The following GRM7 variants were observed in gnomAD, a reference collection of about 807,000 sequenced individuals.
GRM7 encodes metabotropic glutamate receptor 7.
A neutral mutation model predicts 84.5 loss-of-function variants in GRM7; 35 were observed. That is an observed-to-expected ratio of 0.41 (90% CI 0.32 to 0.55). The LOEUF (loss-of-function observed/expected upper bound fraction) is 0.55. GRM7 is among the 20% of genes least tolerant of loss of function. GRM7 has a pLI of 0.19. For synonymous variants in GRM7, 487 were observed against 455.1 expected, an observed-to-expected ratio of 1.07 and a Z score of -0.89; for missense variants, 1,003 against 1,194.6, an observed-to-expected ratio of 0.84 and a Z score of 2.36.
chr3:7,471,849 A>C (rs1204476022), intron 7 of GRM7, among the ~76,000 whole-genome samples: 1 of 152,204 alleles, frequency 6.6e-6, no homozygotes, highest in Non-Finnish European at 1.5e-5. Context: ...GAAGTCTGTA[A>C]CATCCATATT....
chr3:7,516,387 G>T (rs1700384779), intron 7 of GRM7, among the ~76,000 whole-genome samples: 1 of 141,768 alleles, frequency 7.1e-6, no homozygotes, highest in Non-Finnish European at 1.5e-5. Context: ...TGAGGCAGGA[G>T]AATGGCGTGA....
chr3:7,253,921 C>T (rs1698103903), intron 2 of GRM7, among the ~76,000 whole-genome samples: 1 of 152,186 alleles, frequency 6.6e-6, no homozygotes, highest in African/African-American at 2.4e-5. Flanking sequence ...AGAGTTAGTG[C>T]TGCCGAGTGT....
At chr3:7,303,014 C>T (rs1361072669) in intron 3 of GRM7, among the ~76,000 whole-genome samples, 3 of 147,278 alleles carry the variant, frequency 2.0e-5, no homozygotes, top group Non-Finnish European at 3.0e-5. Context: ...GATCTCAGCT[C>T]ACTGAAAGCT....
chr3:7,523,235 C>T (rs1332503170), intron 7 of GRM7, among the ~76,000 whole-genome samples: 1 of 152,136 alleles, frequency 6.6e-6, no homozygotes, highest in East Asian at 1.9e-4. Flanking sequence ...ATTTGTCTCA[C>T]ATTGTGCCTT....
intron 2 of GRM7, among the ~76,000 whole-genome samples, chr3:7,162,805 G>T (rs1201103999): frequency 8.2e-6 from 1 of 122,034 alleles, no homozygotes; most frequent in Non-Finnish European, 1.6e-5. Context: ...TGTTGCCCAG[G>T]CTGGAGTGCA....
intron 9 of GRM7, among the ~76,000 whole-genome samples, chr3:7,683,079 G>A (rs900215459): frequency 1.3e-5 from 2 of 152,176 alleles, no homozygotes; most frequent in African/African-American, 4.8e-5. Flanking sequence ...ATGGCATGTC[G>A]AAATTCCAAT....
At chr3:7,388,020 T>C (rs1364634579) in intron 4 of GRM7, among the ~76,000 whole-genome samples, 4 of 152,316 alleles carry the variant, frequency 2.6e-5, no homozygotes, top group Admixed American at 2.0e-4. Context: ...TTCTTAGATA[T>C]ATTCCTAGGT....
intron 2 of GRM7, among the ~76,000 whole-genome samples, chr3:7,153,328 G>A (rs1694347137): frequency 6.6e-6 from 1 of 151,870 alleles, no homozygotes; most frequent in Admixed American, 6.6e-5. Flanking sequence ...ATATAACCAG[G>A]GTTGTCTCTT....
At position 7,605,665 on chromosome 3, in the gene GRM7, C is replaced by A. The variant is rs115963192; in HGVS notation, c.2451+26308C>A. On this transcript the variant is annotated intron_variant, in intron 8 of 9. Transcript: ENST00000357716. ...CTCCATAGGTAACATTGATGTGCAT[C>A]CCCAGTTGAAATCTATTGGCCTAAA... Among the ~76,000 whole-genome samples the A allele has an allele frequency of 4.9e-3, 741 of 151,910 alleles. 10 individuals are homozygous for A. The highest frequency in any genetic ancestry group is 0.017 in the African/African-American group (710 of 41,264).
chr3:7,384,386 A>G (rs1438824619), intron 4 of GRM7, among the ~76,000 whole-genome samples: 7 of 152,162 alleles, frequency 4.6e-5, no homozygotes, highest in Non-Finnish European at 1.5e-5. Flanking sequence ...TGGATAATTG[A>G]AAAAACATCC....
chr3:7,581,644 G>T (rs4684553), intron 8 of GRM7, among the ~76,000 whole-genome samples: 1 of 151,920 alleles, frequency 6.6e-6, no homozygotes, highest in East Asian at 1.9e-4. Context: ...AGAATCACAA[G>T]TTTTTCATTT....
intron 1 of GRM7, among the ~76,000 whole-genome samples, chr3:7,128,664 G>T (rs938543327): frequency 9.8e-6 from 1 of 102,280 alleles, no homozygotes; most frequent in Non-Finnish European, 2.3e-5. Context: ...CCACCACCAC[G>T]CCCAGCTAAT....
intron 7 of GRM7, among the ~76,000 whole-genome samples, chr3:7,535,704 T>C (rs1365265117): frequency 6.6e-6 from 1 of 152,246 alleles, no homozygotes; most frequent in Non-Finnish European, 1.5e-5. Flanking sequence ...CAACAATTAA[T>C]ATTGCTCTAA....
At chr3:6,895,059 T>C (rs2124992620) in intron 1 of GRM7, among the ~76,000 whole-genome samples, 1 of 152,322 alleles carries the variant, frequency 6.6e-6, no homozygotes, top group African/African-American at 2.4e-5. Flanking sequence ...AAAGCCGCTC[T>C]TTCTGGGTTC....
chr3:7,484,930 T>C (rs1471628188), intron 7 of GRM7, among the ~76,000 whole-genome samples: 1 of 152,206 alleles, frequency 6.6e-6, no homozygotes, highest in Admixed American at 6.5e-5. Context: ...CTTTCTCTTA[T>C]ACTGTTTCTT....
At position 7,151,684 on chromosome 3, in the gene GRM7, C is replaced by T. The variant is rs1448204840; in HGVS notation, c.736+5016C>T. On this transcript the variant is annotated intron_variant, in intron 2 of 9. Coordinates refer to ENST00000357716, the MANE Select transcript of GRM7 (RefSeq NM_000844.4). The surrounding 1 kb of genome is among the most constrained non-coding windows in gnomAD (Gnocchi z 4.5). ...AACAGAAGGAAGAATTGTGTTTTTC[C>T]CCTTTGCCCTTTAGGAAAAAAGGAA... 6.6e-6 allele frequency among the ~76,000 whole-genome samples: 1 copy of T among 152,024 alleles called. No individual in the cohort carries two copies. The highest frequency in any genetic ancestry group is 1.9e-4 in the East Asian group (1 of 5,180).
intron 1 of GRM7, among the ~76,000 whole-genome samples, chr3:6,917,088 G>A (rs1023997931): frequency 6.6e-6 from 1 of 152,160 alleles, no homozygotes; most frequent in Non-Finnish European, 1.5e-5. Flanking sequence ...CCTCAGGCAA[G>A]TTACTTAAAG....
intron 9 of GRM7, among the ~76,000 whole-genome samples, chr3:7,683,278 T>G (rs1228760496): frequency 6.6e-6 from 1 of 152,196 alleles, no homozygotes; most frequent in East Asian, 1.9e-4. Flanking sequence ...AATTTAAAAA[T>G]TGTATTCCAA....
intron 8 of GRM7, chr3:7,607,981 A>G (rs1199706030): frequency 1.4e-5 from 4 of 287,052 alleles, no homozygotes; most frequent in Middle Eastern, 4.1e-4. Flanking sequence ...AGAACACACC[A>G]TATTCTGTTT....
Sources: gnomAD v4.1 joint callset for allele counts (sites outside exome capture counted in the v4.1 genomes callset) on GRCh38, gnomAD v4.1.1 for gene constraint, Gnocchi (gnomAD v3.1) non-coding constraint, MANE v1.5 for transcripts, NCBI Gene and HGNC (gene_info 2026-07-23, HGNC 2026-07-21) for gene names.